ELMO1: variants seen among roughly 807,000 people sequenced by gnomAD.
ELMO1 encodes engulfment and cell motility protein 1.
ELMO1 carries 26 observed loss-of-function variants against 98.9 expected under a neutral mutation model. The ratio of observed to expected loss-of-function variants is 0.26; its 90% CI spans 0.19 to 0.36. The LOEUF is 0.36. Ranked by LOEUF, ELMO1 falls within the 10% of genes least tolerant of loss-of-function variation. The pLI, the probability that ELMO1 is intolerant of heterozygous loss-of-function variation, is 1.00. For synonymous variants in ELMO1, 346 were observed against 346.0 expected (o/e 1.00, Z 0.00); for missense variants, 627 against 935.2 (o/e 0.67, Z 4.30).
chr7:37,009,035 T>C (rs1178069764), intron 16 of ELMO1, among the ~76,000 whole-genome samples: 6 of 152,202 alleles, frequency 3.9e-5, no homozygotes, highest in Non-Finnish European at 7.4e-5. Flanking sequence ...CACAGACATA[T>C]ACTCTAAAGT....
intron 13 of ELMO1, among the ~76,000 whole-genome samples, chr7:37,184,893 G>A (rs1423006114): frequency 6.6e-6 from 1 of 151,546 alleles, no homozygotes; most frequent in Non-Finnish European, 1.5e-5. Flanking sequence ...GTGAGACCCC[G>A]TCTCAAAAGA....
chr7:37,123,460 C>T (rs1786243294), intron 14 of ELMO1, among the ~76,000 whole-genome samples: 1 of 152,102 alleles, frequency 6.6e-6, no homozygotes, highest in South Asian at 2.1e-4. Flanking sequence ...GGGGTATCAC[C>T]ACCAATCCCA....
chr7:37,053,805 T>G (rs1369453422), intron 15 of ELMO1, among the ~76,000 whole-genome samples: 1 of 152,146 alleles, frequency 6.6e-6, no homozygotes, highest in African/African-American at 2.4e-5. Flanking sequence ...TCTACATGTA[T>G]GCAATGTGCA....
At chr7:37,288,672 T>C (rs1584921230) in intron 4 of ELMO1, among the ~76,000 whole-genome samples, 1 of 152,362 alleles carries the variant, frequency 6.6e-6, no homozygotes, top group East Asian at 1.9e-4. Context: ...ACCCAGACAT[T>C]AACCTTGGTT....
intron 4 of ELMO1, among the ~76,000 whole-genome samples, chr7:37,292,827 C>G (rs1439787449): frequency 9.2e-6 from 1 of 108,578 alleles, no homozygotes; most frequent in Admixed American, 8.4e-5. Flanking sequence ...CCGCCCTGTC[C>G]GGGAGGTGAG....
At chr7:36,919,989 G>A (rs1785017957) in intron 16 of ELMO1, among the ~76,000 whole-genome samples, 1 of 152,196 alleles carries the variant, frequency 6.6e-6, no homozygotes, top group South Asian at 2.1e-4. Flanking sequence ...ATCAACAGTG[G>A]CCTGGATCAG....
chr7:37,232,097 C>A (rs765512418), intron 8 of ELMO1, among the ~76,000 whole-genome samples: 14 of 152,156 alleles, frequency 9.2e-5, no homozygotes, highest in South Asian at 2.1e-4. Flanking sequence ...AAATAATCCA[C>A]CTGCGCTGGC....
chr7:36,970,786 T>C (rs1789872598), intron 16 of ELMO1, among the ~76,000 whole-genome samples: 1 of 152,244 alleles, frequency 6.6e-6, no homozygotes, highest in Non-Finnish European at 1.5e-5. Flanking sequence ...TATGTGGTTG[T>C]GCAATGTCAG....
chr7:37,372,118 G>A (rs1263172403), intron 1 of ELMO1, among the ~76,000 whole-genome samples: 1 of 151,530 alleles, frequency 6.6e-6, no homozygotes, highest in African/African-American at 2.4e-5. Flanking sequence ...CATTGCCTCT[G>A]CTCAGTTTCA....
At chr7:37,315,751 T>G (rs1445332603) in intron 3 of ELMO1, among the ~76,000 whole-genome samples, 169 bp downstream of exon 3, 3 of 152,254 alleles carry the variant, frequency 2.0e-5, no homozygotes, top group Non-Finnish European at 4.4e-5. Flanking sequence ...GGACTAATGG[T>G]GAATTCTGTT....
intron 1 of ELMO1, among the ~76,000 whole-genome samples, chr7:37,390,138 CT>C (rs756115676): frequency 8.5e-5 from 13 of 152,202 alleles, no homozygotes; most frequent in Non-Finnish European, 1.3e-4. Context: ...AAAATGCAGA[CT>C]TTTTAAAAAC....
intron 4 of ELMO1, among the ~76,000 whole-genome samples, chr7:37,273,998 C>T (rs961137863): frequency 6.6e-6 from 1 of 152,108 alleles, no homozygotes; most frequent in Non-Finnish European, 1.5e-5. Flanking sequence ...CAGGCAGGCC[C>T]GAAAACCCAA....
chr7:37,300,991 T>C (rs1041746010), intron 4 of ELMO1, among the ~76,000 whole-genome samples: 6 of 151,922 alleles, frequency 3.9e-5, no homozygotes, highest in Non-Finnish European at 7.4e-5. Context: ...CCTGGTTTAG[T>C]CTTGGGAGAG....
chr7:37,330,483 C>G (rs78376974), intron 2 of ELMO1, among the ~76,000 whole-genome samples: 4,242 of 152,118 alleles, frequency 0.028, 275 homozygotes, highest in East Asian at 0.23. Context: ...AGTAGTCCCT[C>G]CTTTATTTGA....
chr7:37,288,289 A>G (rs1797501655), intron 4 of ELMO1, among the ~76,000 whole-genome samples: 1 of 151,614 alleles, frequency 6.6e-6, no homozygotes, highest in African/African-American at 2.4e-5. Context: ...CAATGGCACG[A>G]TCTCGGCTCA....
In ELMO1 at chr7:37,191,151, TG is replaced by T. The variant is rs1278241746; in HGVS notation, c.1086+20234del. 5.2e-5 allele frequency among the ~76,000 whole-genome samples: 7 copies of T among 133,400 alleles called. 1 individual carries two copies. The highest frequency in any genetic ancestry group is 2.0e-4 in the African/African-American group (7 of 34,924). 87.5% of individuals were successfully genotyped at this position (133,400 alleles called of 152,430 possible). On this transcript the variant is annotated intron_variant, in intron 13 of 21. Transcript: ENST00000310758. ...TTGCAGTGAGCCGAGACCGCGCCAC[TG>T]CACTCCAGCCTGGGTAACAGAGCAA...
chr7:37,084,144 G>A (rs991104060), intron 15 of ELMO1, among the ~76,000 whole-genome samples: 9 of 152,182 alleles, frequency 5.9e-5, no homozygotes, highest in Non-Finnish European at 1.2e-4. Context: ...TTTGGACTCA[G>A]TGGGCCTTCT....
intron 15 of ELMO1, among the ~76,000 whole-genome samples, chr7:37,043,360 A>C (rs905106196): frequency 5.3e-5 from 8 of 152,162 alleles, no homozygotes; most frequent in African/African-American, 1.9e-4. Context: ...AGCTGTACTC[A>C]GTTGCATATT....
chr7:37,378,157 G>T (rs10253553), intron 1 of ELMO1, among the ~76,000 whole-genome samples: 2 of 152,064 alleles, frequency 1.3e-5, no homozygotes, highest in East Asian at 1.9e-4. Flanking sequence ...CTGATGGCAT[G>T]GCTGCCACTG....
Sources: allele counts gnomAD v4.1 joint callset (sites outside exome capture counted in the v4.1 genomes callset), GRCh38; gene constraint gnomAD v4.1.1; transcripts MANE v1.5; gene names NCBI Gene and HGNC (gene_info 2026-07-23, HGNC 2026-07-21).